Variants in AR observed in about 807,000 individuals in gnomAD.
AR encodes androgen receptor, also known as dihydrotestosterone receptor.
Under a neutral mutation model 53.9 loss-of-function variants are expected in AR, and 8 were observed. The ratio of observed to expected loss-of-function variants is 0.15; its 90% confidence interval spans 0.09 to 0.27. AR has a LOEUF of 0.27. Ranked by LOEUF, AR falls within the 10% of genes least tolerant of loss-of-function variation. The probability of loss-of-function intolerance (pLI) is 1.00; values close to 1 mark genes in which losing one functional copy is unlikely to be tolerated. For synonymous variants in AR, 359 were observed against 316.4 expected (o/e 1.13, Z -1.43); for missense variants, 639 against 742.5 (o/e 0.86, Z 1.62).
At chrX:67,624,017 G>A (rs1924497900) in intron 1 of AR, among the ~76,000 whole-genome samples, 2 of 110,880 alleles carry the variant, frequency 1.8e-5, no homozygotes, top group Admixed American at 1.9e-4. Context: ...AAGGGGCATG[G>A]AAGACATGTC....
At chrX:67,671,055 A>G (rs1374951999) in intron 2 of AR, among the ~76,000 whole-genome samples, 5 of 112,080 alleles carry the variant, frequency 4.5e-5, no homozygotes, top group African/African-American at 1.6e-4. Flanking sequence ...TAGTGCTGCA[A>G]TAAACATACG....
At chrX:67,647,579 G>A (rs1350952989) in intron 2 of AR, among the ~76,000 whole-genome samples, 1 of 112,040 alleles carries the variant, frequency 8.9e-6, no homozygotes, top group Non-Finnish European at 1.9e-5. Flanking sequence ...CTTCAACAGA[G>A]CCTTCATCAG....
intron 1 of AR, among the ~76,000 whole-genome samples, chrX:67,626,721 G>A (rs1327311352): frequency 3.0e-5 from 3 of 99,772 alleles, no homozygotes; most frequent in South Asian, 1.0e-3. Flanking sequence ...ATGCAGGTGC[G>A]CTGCACCCAC....
At chrX:67,629,441 T>G (rs1197640080) in intron 1 of AR, among the ~76,000 whole-genome samples, 3 of 107,199 alleles carry the variant, frequency 2.8e-5, no homozygotes, top group African/African-American at 1.0e-4. Context: ...GTTTGTAGTA[T>G]TCTCTGATGG....
intron 1 of AR, among the ~76,000 whole-genome samples, chrX:67,562,356 A>ATGTGTG (rs756124629): frequency 1.9e-3 from 183 of 95,036 alleles, no homozygotes; most frequent in African/African-American, 5.0e-3. Flanking sequence ...TATGGTGTAT[A>ATGTGTG]TGTGTGTGTG....
chrX:67,668,695 A>G (rs1415082093), intron 2 of AR, among the ~76,000 whole-genome samples: 1 of 110,979 alleles, frequency 9.0e-6, no homozygotes, highest in Non-Finnish European at 1.9e-5. Context: ...TGGGCTTTTT[A>G]CTGCTGGGGA....
intron 1 of AR, among the ~76,000 whole-genome samples, chrX:67,632,709 T>C (rs1925224079): frequency 8.9e-6 from 1 of 112,466 alleles, no homozygotes; most frequent in Admixed American, 9.4e-5. Flanking sequence ...GAAATTTTTG[T>C]GCTGCAAATG....
intron 2 of AR, among the ~76,000 whole-genome samples, chrX:67,660,524 A>T (rs1926841465): frequency 9.0e-6 from 1 of 111,507 alleles, no homozygotes; most frequent in South Asian, 3.8e-4. Flanking sequence ...AGATGGTTGT[A>T]TATATGCGGC....
intron 2 of AR, among the ~76,000 whole-genome samples, chrX:67,663,278 A>G (rs1470646213): frequency 1.8e-5 from 2 of 111,617 alleles, no homozygotes; most frequent in Non-Finnish European, 3.8e-5. Flanking sequence ...GTTCCTTTCC[A>G]TGTTTAGTGC....
At chrX:67,690,614 A>G (rs1193489849) in intron 3 of AR, among the ~76,000 whole-genome samples, 1 of 111,640 alleles carries the variant, frequency 9.0e-6, no homozygotes. Flanking sequence ...CCATTTACTC[A>G]CCTATTTATT....
At chrX:67,715,451 T>G (rs1402343050) in intron 4 of AR, among the ~76,000 whole-genome samples, 2 of 110,790 alleles carry the variant, frequency 1.8e-5, no homozygotes, top group African/African-American at 6.6e-5. Context: ...GCCTAGGATC[T>G]AAAAGAAAAG....
At chrX:67,630,166 G>A (rs1471444834) in intron 1 of AR, among the ~76,000 whole-genome samples, 1 of 110,909 alleles carries the variant, frequency 9.0e-6, no homozygotes, top group Non-Finnish European at 1.9e-5. Flanking sequence ...GCTTGGTGCA[G>A]AGCTGAGTTC....
intron 3 of AR, among the ~76,000 whole-genome samples, chrX:67,710,259 C>T (rs2076088512): frequency 9.0e-6 from 1 of 111,630 alleles, no homozygotes; most frequent in African/African-American, 3.3e-5. Context: ...GTACATCACT[C>T]CTTTGAATTA....
At chrX:67,614,945 T>C (rs1285348782) in intron 1 of AR, among the ~76,000 whole-genome samples, 1 of 110,268 alleles carries the variant, frequency 9.1e-6, no homozygotes, top group African/African-American at 3.3e-5. Context: ...TTATAATAAC[T>C]GAAATGAAAA....
chrX:67,665,854 T>A (rs1927238017), intron 2 of AR, among the ~76,000 whole-genome samples: 1 of 111,871 alleles, frequency 8.9e-6, no homozygotes, highest in African/African-American at 3.3e-5. Flanking sequence ...ATGCATAAAA[T>A]GGATCCTGCA....
At chrX:67,637,549 T>C (rs1266813353) in intron 1 of AR, among the ~76,000 whole-genome samples, 2 of 109,129 alleles carry the variant, frequency 1.8e-5, no homozygotes, top group Non-Finnish European at 3.8e-5. Context: ...GGTGTATATG[T>C]GCCACATTTT....
At chrX:67,632,638 T>C in intron 1 of AR, among the ~76,000 whole-genome samples, 1 of 112,192 alleles carries the variant, frequency 8.9e-6, no homozygotes, top group East Asian at 2.8e-4. Flanking sequence ...ACCTGAGCTG[T>C]TCCTATTCGG....
intron 2 of AR, among the ~76,000 whole-genome samples, chrX:67,673,029 A>G (rs777685967): frequency 3.0e-4 from 32 of 105,688 alleles, no homozygotes; most frequent in Non-Finnish European, 5.8e-4. Context: ...TGGATAGTCT[A>G]TTCTAGGGTA....
chrX:67,704,770 T>C (rs2076058171), intron 3 of AR, among the ~76,000 whole-genome samples: 2 of 112,334 alleles, frequency 1.8e-5, no homozygotes, highest in Non-Finnish European at 3.8e-5. Context: ...TAGGGTTTTA[T>C]GGTTTTAGGT....
Sources: allele counts gnomAD v4.1 joint callset (sites outside exome capture counted in the v4.1 genomes callset), GRCh38; gene constraint gnomAD v4.1.1; transcripts MANE v1.5; gene names NCBI Gene and HGNC (gene_info 2026-07-23, HGNC 2026-07-21).